Variants in CTNNA2 observed in about 807,000 individuals in gnomAD.
CTNNA2 encodes the protein catenin alpha 2, also known as catenin alpha-2.
In CTNNA2, 42 loss-of-function variants were observed where a neutral mutation model predicts 101.0. The observed-to-expected ratio is 0.42, with a 90% CI of 0.32 to 0.54. The LOEUF is 0.54. Among genes scored for constraint, CTNNA2 ranks in the 20% least tolerant of loss-of-function variants. CTNNA2 has a pLI of 0.14. For missense variants in CTNNA2, 871 were observed against 1,223.1 expected (o/e 0.71, Z 4.29); for synonymous variants, 450 against 456.4 (o/e 0.99, Z 0.18).
intron 2 of CTNNA2, among the ~76,000 whole-genome samples, chr2:79,277,061 G>A (rs968011939): frequency 1.1e-4 from 17 of 152,002 alleles, no homozygotes; most frequent in Admixed American, 3.3e-4. Context: ...TTGAATCTCA[G>A]ACCAGAGAGC....
At chr2:79,347,275 G>T (rs902074153) in intron 3 of CTNNA2, among the ~76,000 whole-genome samples, 2 of 152,222 alleles carry the variant, frequency 1.3e-5, no homozygotes, top group Non-Finnish European at 2.9e-5. Context: ...AGAGCTATTA[G>T]TTAAGAGCTT....
At chr2:79,554,351 T>A (rs1275955206) in intron 1 of CTNNA2, among the ~76,000 whole-genome samples, 2 of 152,178 alleles carry the variant, frequency 1.3e-5, no homozygotes, top group Non-Finnish European at 1.5e-5. Flanking sequence ...TATTAATTGA[T>A]CACAATATCT....
chr2:80,443,250 C>T (rs1214357584), intron 9 of CTNNA2, among the ~76,000 whole-genome samples: 1 of 152,134 alleles, frequency 6.6e-6, no homozygotes, highest in Non-Finnish European at 1.5e-5. Context: ...TCTTCTTCAC[C>T]CCACTTAGGT....
rs921662457 is a variant in CTNNA2, at chr2:80,457,372, T to G, written c.1290+37771T>G. ...AGTCACTGTGCCCGACTGATCGTTA[T>G]ACATTATATATATTGAAATAACATG... is the stretch of plus-strand genomic sequence containing the variant. On this transcript the variant is annotated intron_variant, in intron 9 of 18. Transcript: ENST00000402739. Among the ~76,000 whole-genome samples the G allele has an allele frequency of 4.6e-5, 7 of 152,152 alleles. 1 individual carries two copies.
At chr2:80,092,194 A>G (rs1341923918) in intron 7 of CTNNA2, among the ~76,000 whole-genome samples, 3 of 152,100 alleles carry the variant, frequency 2.0e-5, no homozygotes, top group African/African-American at 7.2e-5. Flanking sequence ...AGACAATTAG[A>G]CAGTGGCCTC....
At chr2:80,558,464 A>G (rs1975216) in intron 12 of CTNNA2, among the ~76,000 whole-genome samples, 21,641 of 145,734 alleles carry the variant, frequency 0.15, 3,430 homozygotes, top group African/African-American at 0.4. Context: ...GTGTGTATAT[A>G]TGTGTGTGTG....
intron 7 of CTNNA2, among the ~76,000 whole-genome samples, chr2:80,013,299 GGACAGTCAAAA>G (rs1490490719): frequency 3.9e-5 from 6 of 152,178 alleles, no homozygotes; most frequent in African/African-American, 1.4e-4. Flanking sequence ...TTCCATAAAG[GGACAGTCAAAA>G]GAACTAACCA....
chr2:79,216,377 A>C (rs1674259675), intron 2 of CTNNA2, among the ~76,000 whole-genome samples: 1 of 152,072 alleles, frequency 6.6e-6, no homozygotes, highest in African/African-American at 2.4e-5. Context: ...CTTACCCTCC[A>C]GAAAAGCAGG....
chr2:79,829,990 C>G (rs1229405431), intron 3 of CTNNA2, among the ~76,000 whole-genome samples: 2 of 152,052 alleles, frequency 1.3e-5, no homozygotes, highest in Non-Finnish European at 2.9e-5. Flanking sequence ...TTTTGATTGA[C>G]TAGGTCTCAG....
Position 80,312,562 on chromosome 2 carries a change from C to G in CTNNA2, c.1057-80649C>G, listed in dbSNP as rs60543126. On this transcript the variant is annotated intron_variant, in intron 7 of 18. Coordinates refer to ENST00000402739, the MANE Select transcript of CTNNA2 (RefSeq NM_001282597.3). ...CTAGAAGCAAGTGGGCAAAGAGAAC[C>G]AGGAAGTTAAACTTTAAAATGGAGA... is the stretch of plus-strand genomic sequence containing the variant. Among the ~76,000 whole-genome samples, 485 of 152,222 alleles carry G rather than the reference C, an allele frequency of 3.2e-3. 4 individuals are homozygous for G. The highest frequency in any genetic ancestry group is 0.011 in the African/African-American group (458 of 41,538).
chr2:79,341,901 C>G (rs1287987685), intron 3 of CTNNA2, among the ~76,000 whole-genome samples: 1 of 152,116 alleles, frequency 6.6e-6, no homozygotes, highest in Non-Finnish European at 1.5e-5. Flanking sequence ...ACCTAGGAGT[C>G]TGATGTCTTT....
At chr2:79,730,669 G>T (rs1687140026) in intron 2 of CTNNA2, among the ~76,000 whole-genome samples, 2 of 151,906 alleles carry the variant, frequency 1.3e-5, no homozygotes, top group South Asian at 4.2e-4. Flanking sequence ...AAAGTAGCTT[G>T]AAATTCACAT....
chr2:79,674,551 A>G (rs1229415086), intron 2 of CTNNA2, among the ~76,000 whole-genome samples: 2 of 152,328 alleles, frequency 1.3e-5, no homozygotes, highest in East Asian at 1.9e-4. Flanking sequence ...AGAATACCCT[A>G]TTAGATAATA....
intron 1 of CTNNA2, among the ~76,000 whole-genome samples, chr2:79,545,736 A>C (rs1276646306): frequency 6.6e-6 from 1 of 152,240 alleles, no homozygotes; most frequent in East Asian, 1.9e-4. Flanking sequence ...TAGGCAAATC[A>C]GGAGTGAAAG....
chr2:80,409,565 A>C (rs1679377478), intron 8 of CTNNA2, among the ~76,000 whole-genome samples: 1 of 152,174 alleles, frequency 6.6e-6, no homozygotes, highest in Non-Finnish European at 1.5e-5. Flanking sequence ...CTGGCCAAAA[A>C]CAGTGCTTCA....
intron 2 of CTNNA2, among the ~76,000 whole-genome samples, chr2:79,238,432 TATA>T (rs61272301): frequency 0.035 from 5,388 of 152,218 alleles, 262 homozygotes; most frequent in African/African-American, 0.11. Context: ...AAGTTTGAAA[TATA>T]ATATGAATTA....
intron 9 of CTNNA2, among the ~76,000 whole-genome samples, chr2:80,495,967 AGGTGGCC>A (rs1687432844): frequency 7.2e-6 from 1 of 139,070 alleles, no homozygotes; most frequent in East Asian, 2.2e-4. Context: ...AAAAAAAAAA[AGGTGGCC>A]ATTTGAAGAC....
chr2:80,554,946 C>A (rs1423552527), intron 11 of CTNNA2, among the ~76,000 whole-genome samples: 1 of 152,056 alleles, frequency 6.6e-6, no homozygotes, highest in Non-Finnish European at 1.5e-5. Flanking sequence ...TTTCTCTATG[C>A]CATTAGAGAG....
intron 2 of CTNNA2, among the ~76,000 whole-genome samples, chr2:79,664,077 A>T (rs1682227576): frequency 6.6e-6 from 1 of 152,222 alleles, no homozygotes. Flanking sequence ...TGAATGTTTT[A>T]ATACTCAGCG....
Sources: gnomAD v4.1 joint callset for allele counts (sites outside exome capture counted in the v4.1 genomes callset) on GRCh38, gnomAD v4.1.1 for gene constraint, MANE v1.5 for transcripts, NCBI Gene and HGNC (gene_info 2026-07-23, HGNC 2026-07-21) for gene names.